The following METTL25 variants were observed in gnomAD, a reference collection of about 807,000 sequenced individuals.
METTL25 encodes probable methyltransferase-like protein 25.
In METTL25, 64 loss-of-function variants were observed where a neutral mutation model predicts 71.6. That is an observed-to-expected ratio of 0.89 (90% CI 0.73 to 1.10). The LOEUF (loss-of-function observed/expected upper bound fraction) is 1.10. Among genes scored for constraint, METTL25 ranks in the 50% least tolerant of loss-of-function variants. METTL25 has a pLI of 0.00. For missense variants in METTL25, 807 were observed against 707.0 expected (o/e 1.14, Z -1.60); for synonymous variants, 287 against 250.3 (o/e 1.15, Z -1.38).
At chr12:82,426,353 TG>T (rs1889012848) in intron 5 of METTL25, among the ~76,000 whole-genome samples, 2 of 152,046 alleles carry the variant, frequency 1.3e-5, no homozygotes, top group African/African-American at 4.8e-5. Context: ...TGTAACCACG[TG>T]GTGTCCAGAG....
chr12:82,386,896 A>G lies in METTL25; in HGVS notation c.353A>G (p.Gln118Arg). The change falls in exon 2 of 12, where the codon CAA (glutamine) becomes CGA (arginine). Residue 118 changes from glutamine to arginine, a missense_variant. By Grantham distance (43) the Gln-to-Arg change is conservative. Coordinates refer to ENST00000248306, the MANE Select transcript of METTL25 (RefSeq NM_032230.3). Reference protein sequence around the residue: ...FALAAKYYSVQNLGICTPFEQ... With the variant: ...FALAAKYYSVRNLGICTPFEQ... ...CTGGCTGCGAAATACTATTCTGTAC[A>G]AAACTTGGGAATATGTACTCCTTTT... 1 of 1,613,542 alleles carries G rather than the reference A, an allele frequency of 6.2e-7. No individual in the cohort carries two copies. The highest frequency in any genetic ancestry group is 8.5e-7 in the Non-Finnish European group (1 of 1,179,662).
chr12:82,409,297 A>G (rs987252114), intron 5 of METTL25, among the ~76,000 whole-genome samples: 20 of 152,146 alleles, frequency 1.3e-4, no homozygotes, highest in African/African-American at 2.4e-5. Context: ...GAAATACGAG[A>G]AACATTTTTA....
At chr12:82,358,859 C>A in intron 1 of METTL25, 35 bp downstream of exon 1, 2 of 1,563,342 alleles carry the variant, frequency 1.3e-6, no homozygotes, top group South Asian at 2.3e-5. Context: ...GGAAGGGAGG[C>A]GGAGGAGAAG....
At chr12:82,410,325 CA>C (rs1232635763) in intron 5 of METTL25, among the ~76,000 whole-genome samples, 1 of 152,082 alleles carries the variant, frequency 6.6e-6, no homozygotes, top group Non-Finnish European at 1.5e-5. Flanking sequence ...TTAATCCTAT[CA>C]TTGAAACAAT....
intron 7 of METTL25, among the ~76,000 whole-genome samples, chr12:82,435,905 A>G (rs2137170047): frequency 6.6e-6 from 1 of 151,584 alleles, no homozygotes; most frequent in Non-Finnish European, 1.5e-5. Context: ...ATCAATTGAG[A>G]TAATAAATAC....
intron 1 of METTL25, among the ~76,000 whole-genome samples, chr12:82,366,410 A>T (rs913016940): frequency 6.6e-6 from 1 of 152,130 alleles, no homozygotes; most frequent in African/African-American, 2.4e-5. Flanking sequence ...CTCCTGTTTC[A>T]CATTATTACT....
chr12:82,477,231 C>CTT, intron 10 of METTL25, 50 bp from the exon 11 acceptor site: 24 of 725,148 alleles, frequency 3.3e-5, no homozygotes, highest in South Asian at 8.9e-5. Flanking sequence ...ATAAGCTAGT[C>CTT]TTTTTTTTTT....
chr12:82,365,635 ATTG>A lies in METTL25; in HGVS notation c.259+6817_259+6819del, dbSNP rs771637339. Among the ~76,000 whole-genome samples the A allele has an allele frequency of 4.8e-4, 73 of 152,234 alleles. 1 individual carries two copies. Among genetic ancestry groups the A allele is most frequent in the Admixed American group, 5.2e-4 (8 of 15,274 alleles). On this transcript the variant is annotated intron_variant, in intron 1 of 11. Coordinates refer to ENST00000248306, the MANE Select transcript of METTL25 (RefSeq NM_032230.3). ...AATCATCATTGATCTTCAGAAATTAATTGTTGTTTAATGGAATCTAGAAAATTC... is the reference window on the plus strand; with the variant it reads ...AATCATCATTGATCTTCAGAAATTAATTGTTTAATGGAATCTAGAAAATTC...
Position 82,365,556 on chromosome 12 carries a change from CTG to C in METTL25, c.259+6736_259+6737del, listed in dbSNP as rs1267192289. ...TTATAGCTCCTTCAAGGAAACCAGA[CTG>C]TGTTCTTGGGAAGTAATGACTGTAA... is the stretch of plus-strand genomic sequence containing the variant. On this transcript the variant is annotated intron_variant, in intron 1 of 11. Coordinates refer to ENST00000248306, the MANE Select transcript of METTL25 (RefSeq NM_032230.3). Among the ~76,000 whole-genome samples, 19 of 152,300 alleles carry C rather than the reference CTG, an allele frequency of 1.2e-4. No homozygotes were observed. The East Asian group carries it at 2.9e-3, about 23-fold the overall frequency.
At chr12:82,381,391 A>G (rs1565811915) in intron 1 of METTL25, among the ~76,000 whole-genome samples, 1 of 152,180 alleles carries the variant, frequency 6.6e-6, no homozygotes, top group African/African-American at 2.4e-5. Flanking sequence ...TGTGATGTTA[A>G]TATTGGTACA....
At chr12:82,377,067 C>A (rs1481080811) in intron 1 of METTL25, among the ~76,000 whole-genome samples, 1 of 151,816 alleles carries the variant, frequency 6.6e-6, no homozygotes, top group African/African-American at 2.4e-5. Flanking sequence ...GAGCCGAGAT[C>A]ATGCCATTGC....
intron 3 of METTL25, 27 bp downstream of exon 3, chr12:82,389,949 G>T (rs765108028): frequency 7.5e-7 from 1 of 1,327,548 alleles, no homozygotes. Context: ...ATGTTTTTAG[G>T]TGTTAAAATT....
chr12:82,389,053 C>T (rs999679714), intron 2 of METTL25, among the ~76,000 whole-genome samples: 7 of 152,082 alleles, frequency 4.6e-5, no homozygotes, highest in Non-Finnish European at 7.4e-5. Context: ...TCCAGTCCTA[C>T]ATTTCAGTTC....
intron 1 of METTL25, among the ~76,000 whole-genome samples, chr12:82,375,900 A>G (rs1170969037): frequency 6.6e-6 from 1 of 152,346 alleles, no homozygotes; most frequent in Non-Finnish European, 1.5e-5. Flanking sequence ...TTTTATCAGT[A>G]TGAAATTGTA....
chr12:82,360,631 G>T (rs866435181), intron 1 of METTL25, among the ~76,000 whole-genome samples: 3 of 152,214 alleles, frequency 2.0e-5, no homozygotes, highest in African/African-American at 7.2e-5. Context: ...AGGGAAAGCA[G>T]TCCATTTAGT....
rs373543468 is a variant in METTL25 at position 82,438,833 on chromosome 12, G to A, written c.1478+42G>A. The A allele has an allele frequency of 1.2e-3, 1,712 of 1,450,858 alleles. 2 individuals carry two copies. Among genetic ancestry groups the A allele is most frequent in the Non-Finnish European group, 1.5e-3 (1,604 of 1,083,430 alleles). 89.9% of individuals were successfully genotyped at this position (1,450,858 alleles called of 1,614,324 possible). A position where few individuals can be genotyped will look rare whatever the true frequency, so the allele number is the denominator to read the frequency against. ...TTAATAAGAATAACTATGTTATATT[G>A]TAAGTAAAGTGACTTTTAGTCTTCA... is the stretch of plus-strand genomic sequence containing the variant. On this transcript the variant is annotated intron_variant, in intron 8 of 11. Transcript: ENST00000248306.
intron 5 of METTL25, among the ~76,000 whole-genome samples, chr12:82,414,934 G>A (rs1887850020): frequency 6.6e-6 from 1 of 152,036 alleles, no homozygotes; most frequent in Admixed American, 6.6e-5. Context: ...TTGGTATGAA[G>A]TTACAACATC....
chr12:82,440,065 T>C (rs1021553683), intron 8 of METTL25, among the ~76,000 whole-genome samples: 1 of 151,966 alleles, frequency 6.6e-6, no homozygotes, highest in East Asian at 1.9e-4. Context: ...GGTAATTGTT[T>C]TTTCTCTAAA....
chr12:82,401,885 T>A (rs1280182581), intron 4 of METTL25, among the ~76,000 whole-genome samples: 1 of 152,076 alleles, frequency 6.6e-6, no homozygotes, highest in Non-Finnish European at 1.5e-5. Context: ...TATTAGAAAT[T>A]TTTTAGTTCC....
Sources: allele counts gnomAD v4.1 joint callset (sites outside exome capture counted in the v4.1 genomes callset), GRCh38; gene constraint gnomAD v4.1.1; transcripts MANE v1.5; gene names NCBI Gene and HGNC (gene_info 2026-07-23, HGNC 2026-07-21).